CLASP1: variants seen among roughly 807,000 people sequenced by gnomAD.
CLASP1 encodes the protein cytoplasmic linker associated protein 1.
CLASP1 carries 38 observed loss-of-function variants against 192.3 expected under a neutral mutation model. That is an observed-to-expected ratio of 0.20 (90% CI 0.15 to 0.26). The LOEUF (loss-of-function observed/expected upper bound fraction) is 0.26, where lower values mean the gene tolerates loss of function less well. Ranked by LOEUF, CLASP1 falls within the 10% of genes least tolerant of loss-of-function variation. CLASP1 has a pLI of 1.00. For synonymous variants in CLASP1, 691 were observed against 712.8 expected (o/e 0.97, Z 0.49); for missense variants, 1,433 against 1,932.5 (o/e 0.74, Z 4.85).
intron 31 of CLASP1, 147 bp downstream of exon 32, chr2:121,387,616 G>A (rs2073537705): frequency 2.8e-6 from 2 of 722,114 alleles, no homozygotes; most frequent in Middle Eastern, 3.1e-4. Context: ...CATTCACTGG[G>A]GCTTAAGATG....
At chr2:121,355,908 A>C (rs2065292385) in intron 37 of CLASP1, among the ~76,000 whole-genome samples, 1 of 152,230 alleles carries the variant, frequency 6.6e-6, no homozygotes, top group Non-Finnish European at 1.5e-5. Context: ...CAGTCTCATT[A>C]GAAACACAGC....
chr2:121,478,831 CACACA>C (rs2092151726), intron 8 of CLASP1, among the ~76,000 whole-genome samples: 5 of 29,916 alleles, frequency 1.7e-4, no homozygotes, highest in African/African-American at 7.9e-4. Flanking sequence ...AACCACACAC[CACACA>C]CCACACACAC....
intron 1 of CLASP1, among the ~76,000 whole-genome samples, chr2:121,620,316 T>C (rs1429624017): frequency 6.6e-6 from 1 of 152,004 alleles, no homozygotes; most frequent in East Asian, 1.9e-4. Flanking sequence ...TGGCATCTAA[T>C]TGTGGTTGTG....
chr2:121,378,554 C>G (rs1178805694), intron 33 of CLASP1, among the ~76,000 whole-genome samples: 3 of 151,912 alleles, frequency 2.0e-5, no homozygotes, highest in Non-Finnish European at 2.9e-5. Context: ...CAAAAACCAT[C>G]CTGAGAATAT....
chr2:121,418,874 G>A, intron 22 of CLASP1, 145 bp from the exon 23 acceptor site: 1 of 628,088 alleles, frequency 1.6e-6, no homozygotes, highest in Non-Finnish European at 2.9e-6. Context: ...ACCTATCCAT[G>A]CTGAGGTCTC....
At chr2:121,374,961 G>A (rs924652085) in intron 34 of CLASP1, among the ~76,000 whole-genome samples, 3 of 152,192 alleles carry the variant, frequency 2.0e-5, no homozygotes, top group African/African-American at 7.2e-5. Flanking sequence ...TTGGAGGACT[G>A]TTGGGAAGGC....
At chr2:121,571,029 T>C (rs13412614) in intron 2 of CLASP1, among the ~76,000 whole-genome samples, 37,724 of 151,642 alleles carry the variant, frequency 0.25, 7,454 homozygotes, top group African/African-American at 0.55. Flanking sequence ...AATTGGGATA[T>C]GACTATAAGA....
chr2:121,449,145 G>A, intron 16 of CLASP1, 25 bp from the exon 17 acceptor site: 1 of 1,610,376 alleles, frequency 6.2e-7, no homozygotes, highest in Non-Finnish European at 8.5e-7. Context: ...CAAAATCCTG[G>A]TCTAATTCAA....
At chr2:121,420,922 CA>C (rs2079387439) in intron 22 of CLASP1, among the ~76,000 whole-genome samples, 1 of 152,196 alleles carries the variant, frequency 6.6e-6, no homozygotes, top group South Asian at 2.1e-4. Context: ...TCTGAAATAA[CA>C]GTATGCATAA....
At chr2:121,633,981 G>C (rs1234852862) in intron 1 of CLASP1, among the ~76,000 whole-genome samples, 2 of 150,318 alleles carry the variant, frequency 1.3e-5, no homozygotes, top group Non-Finnish European at 3.0e-5. Context: ...CTGGGCGACA[G>C]AGCGAGACTC....
At chr2:121,519,579 C>T (rs1479103954) in intron 6 of CLASP1, among the ~76,000 whole-genome samples, 3 of 152,222 alleles carry the variant, frequency 2.0e-5, no homozygotes, top group African/African-American at 7.2e-5. Flanking sequence ...CAAGCATACA[C>T]ACACCCACAA....
intron 8 of CLASP1, among the ~76,000 whole-genome samples, chr2:121,476,714 G>A (rs1269572102): frequency 2.6e-5 from 4 of 152,116 alleles, no homozygotes; most frequent in African/African-American, 9.7e-5. Context: ...CTGCTTCACT[G>A]CAGCAGGGTC....
chr2:121,435,046 C>G (rs540239912), intron 19 of CLASP1, among the ~76,000 whole-genome samples: 1 of 149,526 alleles, frequency 6.7e-6, no homozygotes, highest in African/African-American at 2.5e-5. Context: ...TTGGGCTGGG[C>G]GTGGTGGCTC....
chr2:121,591,970 T>C (rs2062452526), intron 2 of CLASP1, among the ~76,000 whole-genome samples: 1 of 152,208 alleles, frequency 6.6e-6, no homozygotes, highest in African/African-American at 2.4e-5. Flanking sequence ...GCCATTTTCA[T>C]CTGATTTCTC....
intron 2 of CLASP1, among the ~76,000 whole-genome samples, chr2:121,569,409 A>G (rs1328576667): frequency 1.3e-5 from 2 of 152,272 alleles, no homozygotes; most frequent in Admixed American, 6.5e-5. Context: ...AGCAGGAATG[A>G]GAACAAGGCC....
intron 25 of CLASP1, 56 bp from the exon 27 acceptor site, chr2:121,404,490 A>C: frequency 2.1e-6 from 3 of 1,443,430 alleles, no homozygotes; most frequent in Non-Finnish European, 2.9e-6. Context: ...TTTTTGAGAC[A>C]GGGTCTCACT....
chr2:121,362,897 G>A (rs945088036), intron 37 of CLASP1, among the ~76,000 whole-genome samples: 14 of 152,208 alleles, frequency 9.2e-5, no homozygotes, highest in African/African-American at 3.4e-4. Context: ...AAAGGCAGCT[G>A]GAAGCACGGA....
chr2:121,633,192 T>C (rs772519023), intron 1 of CLASP1, among the ~76,000 whole-genome samples: 9 of 151,886 alleles, frequency 5.9e-5, no homozygotes, highest in African/African-American at 7.3e-5. Flanking sequence ...ATTTAACTAA[T>C]AGTCCTATTT....
chr2:121,378,967 TAAA>T (rs34669815), intron 33 of CLASP1, among the ~76,000 whole-genome samples: 7 of 130,540 alleles, frequency 5.4e-5, no homozygotes, highest in Non-Finnish European at 1.0e-4. Context: ...TATTCTGCCT[TAAA>T]AAAAAAAAAA....
Sources: gnomAD v4.1 joint callset for allele counts (sites outside exome capture counted in the v4.1 genomes callset) on GRCh38, gnomAD v4.1.1 for gene constraint, MANE v1.5 for transcripts, NCBI Gene and HGNC (gene_info 2026-07-23, HGNC 2026-07-21) for gene names.